The following ATAD3B variants were observed in gnomAD, a reference collection of about 807,000 sequenced individuals.
ATAD3B encodes ATPase family AAA domain-containing protein 3B.
ATAD3B carries 59 observed loss-of-function variants against 70.2 expected under a neutral mutation model. The ratio of observed to expected loss-of-function variants is 0.84; its 90% confidence interval spans 0.68 to 1.04. The LOEUF (loss-of-function observed/expected upper bound fraction) is 1.04, where lower values mean the gene tolerates loss of function less well. Ranked by LOEUF, ATAD3B falls within the 50% of genes least tolerant of loss-of-function variation. ATAD3B has a pLI of 0.00. For synonymous variants in ATAD3B, 423 were observed against 388.6 expected (o/e 1.09, Z -1.04); for missense variants, 961 against 913.4 (o/e 1.05, Z -0.67).
chr1:1,488,081 A>G (rs1052141355), intron 12 of ATAD3B, among the ~76,000 whole-genome samples, 167 bp downstream of exon 12: 4 of 151,930 alleles, frequency 2.6e-5, no homozygotes, highest in African/African-American at 9.7e-5. Context: ...CAGCCCCCTG[A>G]GTAGCTGGGA....
chr1:1,489,240 G>A lies in ATAD3B; in HGVS notation c.1303G>A (p.Ala435Thr), dbSNP rs371673051. The A allele has an allele frequency of 5.6e-5, 91 of 1,613,468 alleles. No homozygotes were observed. The highest frequency in any genetic ancestry group is 7.3e-5 in the Non-Finnish European group (86 of 1,179,668). ...ISKDLRATLN[A>T]FLYHMGQHSN... ...CAAGGACCTCAGAGCCACACTGAAC[G>A]CCTTCCTGTACCACATGGGCCAACA... is the stretch of plus-strand genomic sequence containing the variant. The change falls in exon 13 of 16, where the codon GCC becomes ACC. Residue 435 changes from alanine to threonine, a missense_variant. Physicochemically the swap from Ala to Thr is moderately conservative, Grantham distance 58. Coordinates refer to ENST00000673477, the MANE Select transcript of ATAD3B (RefSeq NM_031921.6).
chr1:1,487,410 C>T (rs1640279252), intron 11 of ATAD3B, among the ~76,000 whole-genome samples: 1 of 151,532 alleles, frequency 6.6e-6, no homozygotes, highest in African/African-American at 2.4e-5. Context: ...ATGGCGTGAA[C>T]CCGGGAGGCA....
chr1:1,485,988 T>C, intron 9 of ATAD3B, 122 bp from the exon 10 acceptor site: 1 of 1,588,668 alleles, frequency 6.3e-7, no homozygotes. Context: ...ATAGATAGGC[T>C]GCCCACGAGC....
intron 12 of ATAD3B, 32 bp downstream of exon 12, chr1:1,487,946 G>C (rs1234532997): frequency 6.2e-7 from 1 of 1,612,164 alleles, no homozygotes; most frequent in Admixed American, 1.7e-5. Context: ...TCTGGCCACA[G>C]GAGGGTGGTC....
chr1:1,490,348 C>T lies in ATAD3B; in HGVS notation c.1429C>T (p.Gln477Ter), dbSNP rs1287361421. Residue 477 changes from glutamine (Q) to a stop codon, truncating the protein, a stop_gained, in exon 14 of 16, where the codon CAG (glutamine) becomes TAG (stop). Coordinates refer to ENST00000673477, the MANE Select transcript of ATAD3B (RefSeq NM_031921.6). LOFTEE classifies it high-confidence loss of function. Reference sequence around the variant, plus strand: ...CGTGATGGTCCACTTCGACCTGCCGCAGCAGGAGGAGCGGGAGCGCCTGGT... The same window carrying T: ...CGTGATGGTCCACTTCGACCTGCCGTAGCAGGAGGAGCGGGAGCGCCTGGT... The part of the protein sequence containing the change: ...IDVMVHFDLP[Q>*]QEERERLVRL... 3.1e-6 allele frequency: 5 copies of T among 1,613,346 alleles called. No homozygotes were observed. In the Admixed American group the frequency reaches 5.0e-5, roughly 16 times the overall value.
chr1:1,495,512 G>A lies in ATAD3B; in HGVS notation c.1642G>A (p.Val548Ile), dbSNP rs146324456. 2.5e-5 allele frequency: 41 copies of A among 1,610,650 alleles called. No homozygotes were observed. The African/African-American group carries it at 5.1e-4, about 20-fold the overall frequency. ...CACGGCATATGCCTCCAAGGACGGG[G>A]TCCTCACTGAGGCCATGATGGACGC... ...QATAYASKDG[V>I]LTEAMMDACV... Residue 548 changes from valine to isoleucine, a missense_variant, in exon 16 of 16, where the codon GTC (valine) becomes ATC (isoleucine). Physicochemically the swap from Val to Ile is conservative, Grantham distance 29 (BLOSUM62 3). Transcript: ENST00000673477.
At position 1,477,353 on chromosome 1, in the gene ATAD3B, G is replaced by A. The variant is rs747793790; in HGVS notation, c.282+3G>A. 1.9e-6 allele frequency: 3 copies of A among 1,612,116 alleles called. No individual in the cohort carries two copies. The South Asian group carries it at 3.3e-5, about 18-fold the overall frequency. ...TGGAGCAACAGTCCAAGCTCAAAGT[G>A]AGTGGGGCCGGTGTGGGCGAGGAGG... On this transcript the variant is annotated splice_donor_region_variant and intron_variant, in intron 2 of 15. Coordinates refer to ENST00000673477, the MANE Select transcript of ATAD3B (RefSeq NM_031921.6).
Position 1,483,141 on chromosome 1 carries a change from AAAAAGAAAAG to A in ATAD3B, c.750+530_750+539del, listed in dbSNP as rs201567929. 6.8e-4 allele frequency: 274 copies of A among 404,984 alleles called. 6 individuals are homozygous for A. In the East Asian group the frequency reaches 0.013, roughly 20 times the overall value. The allele number at this position is 404,984 out of a possible 1,614,324, so 25.1% of individuals were successfully genotyped here. A position where few individuals can be genotyped will look rare whatever the true frequency, so the allele number is the denominator to read the frequency against. On this transcript the variant is annotated intron_variant, in intron 7 of 15. Transcript: ENST00000673477. Reference sequence around the variant, plus strand: ...CCTGTCTCTACTAAAAAAAAGAAAAAAAAAGAAAAGAATTAGCTGGGTGTGGTGACATGTG... The same window carrying A: ...CCTGTCTCTACTAAAAAAAAGAAAAAAATTAGCTGGGTGTGGTGACATGTG...
At chr1:1,509,343 T>G in the ATAD3B span, 1 of 1,610,938 alleles carries the variant, frequency 6.2e-7, no homozygotes, top group African/African-American at 1.4e-5. Context: ...CGAGCAACCC[T>G]CATCCTGAGT....
chr1:1,482,556 C>T lies in ATAD3B; in HGVS notation c.692C>T (p.Thr231Ile), dbSNP rs754364068. 4 of 1,613,282 alleles carry T rather than the reference C, an allele frequency of 2.5e-6. No individual in the cohort carries two copies. In the South Asian group the frequency reaches 4.4e-5, roughly 18 times the overall value. ...TVLESIRTAG[T>I]LFGEGFRAFV... ...TGCTTTCCCCGCAGGACGGCTGGCA[C>T]CTTGTTTGGGGAAGGATTCCGTGCC... Residue 231 changes from threonine (T) to isoleucine (I), a missense_variant, in exon 7 of 16, where the codon ACC becomes ATC. Thr to Ile is a moderately conservative substitution (Grantham distance 89). This residue lies in a region of ATAD3B where 349 missense variants were observed against 307.5 expected (regional missense o/e 1.14). Coordinates refer to ENST00000673477, the MANE Select transcript of ATAD3B (RefSeq NM_031921.6).
At chr1:1,479,475 CCT>C (rs1161915034) in intron 4 of ATAD3B, among the ~76,000 whole-genome samples, 1 of 142,720 alleles carries the variant, frequency 7.0e-6, no homozygotes, top group Non-Finnish European at 1.5e-5. Context: ...CACACACACC[CCT>C]GTGCGCACAC....
chr1:1,489,631 C>G lies in ATAD3B; in HGVS notation c.1337+357C>G, dbSNP rs570655355. ...TAGGGTGACCGGCCCTATGTCCAGG[C>G]TCCCTCTTCCCTCCCAAATCCCTTA... On this transcript the variant is annotated intron_variant, in intron 13 of 15. Coordinates refer to ENST00000673477, the MANE Select transcript of ATAD3B (RefSeq NM_031921.6). 1.2e-5 allele frequency: 16 copies of G among 1,333,842 alleles called. No individual in the cohort carries two copies. In the South Asian group the frequency reaches 1.7e-4, roughly 14 times the overall value. The allele number at this position is 1,333,842 out of a possible 1,614,324, so 82.6% of individuals were successfully genotyped here. A position where few individuals can be genotyped will look rare whatever the true frequency, so the allele number is the denominator to read the frequency against.
At chr1:1,488,615 C>T (rs1398239444) in intron 12 of ATAD3B, among the ~76,000 whole-genome samples, 14 of 151,948 alleles carry the variant, frequency 9.2e-5, no homozygotes, top group Non-Finnish European at 1.8e-4. Context: ...AAAAATTAGC[C>T]GGGCGTCGTG....
Position 1,472,009 on chromosome 1 carries a change from C to G in ATAD3B, c.125C>G (p.Ala42Gly). The G allele has an allele frequency of 8.1e-7, 1 of 1,238,304 alleles. No homozygotes were observed. Among genetic ancestry groups the G allele is most frequent in the Non-Finnish European group, 1.0e-6 (1 of 988,376 alleles). The allele number at this position is 1,238,304 out of a possible 1,614,324, so 76.7% of individuals were successfully genotyped here. A position where few individuals can be genotyped will look rare whatever the true frequency, so the allele number is the denominator to read the frequency against. Residue 42 changes from alanine (A) to glycine (G), a missense_variant, in exon 1 of 16, where the codon GCG becomes GGG. By Grantham distance (60) the Ala-to-Gly change is moderately conservative. This residue lies in a region of ATAD3B where 187 missense variants were observed against 244.3 expected (regional missense o/e 0.77). Transcript: ENST00000673477. The stretch of plus-strand genomic sequence containing the variant: ...GACCGCGGTTTGGGAGACCGGCCGG[C>G]GCCCAAGGACAAATGGAGCAACTTC... Reference protein sequence around the residue: ...GGDRGLGDRPAPKDKWSNFDP... With the variant: ...GGDRGLGDRPGPKDKWSNFDP...
downstream of ATAD3B, among the ~76,000 whole-genome samples, chr1:1,500,405 AGCCGG>A: frequency 6.7e-6 from 1 of 148,626 alleles, no homozygotes; most frequent in Non-Finnish European, 1.5e-5. Context: ...ACAAAAAAAT[AGCCGG>A]GCGTGGTGGC....
At chr1:1,502,220 C>CT (rs377727458), downstream of ATAD3B, among the ~76,000 whole-genome samples, 11,350 of 142,614 alleles carry the variant, frequency 0.08, 499 homozygotes, top group East Asian at 0.14. Flanking sequence ...TTTTCTCTCT[C>CT]TTTTTTTTTT....
intron 1 of ATAD3B, among the ~76,000 whole-genome samples, chr1:1,472,597 A>G (rs1639387597): frequency 6.6e-6 from 1 of 152,050 alleles, no homozygotes; most frequent in Non-Finnish European, 1.5e-5. Flanking sequence ...CTGTGAAGCC[A>G]CAGGCCAGGC....
rs764565113 is a variant in ATAD3B, at chr1:1,486,217, G to C, written c.1071G>C (p.Gly357=). The change falls in exon 10 of 16, where the codon GGG becomes GGC. Residue 357 remains glycine, a synonymous_variant. Coordinates refer to ENST00000673477, the MANE Select transcript of ATAD3B (RefSeq NM_031921.6). ...TGCTGTATGGGCCACCAGGCACCGGGAAGACGCTGTTTGCCAAGGTGAGAG... is the reference window on the plus strand; with the variant it reads ...TGCTGTATGGGCCACCAGGCACCGGCAAGACGCTGTTTGCCAAGGTGAGAG... The part of the protein sequence containing the change: ...HILLYGPPGT[G]KTLFAKKLAL... 3.7e-6 allele frequency: 6 copies of C among 1,613,066 alleles called. No homozygotes were observed. The highest frequency in any genetic ancestry group is 4.2e-6 in the Non-Finnish European group (5 of 1,179,650).
chr1:1,482,399 G>A (rs1227413439), intron 6 of ATAD3B, 96 bp downstream of exon 6: 20 of 1,581,928 alleles, frequency 1.3e-5, no homozygotes, highest in African/African-American at 5.5e-5. Context: ...AGGCCTGGCC[G>A]CCATAGGCTG....
Sources: allele counts gnomAD v4.1 joint callset (sites outside exome capture counted in the v4.1 genomes callset), GRCh38; gene constraint gnomAD v4.1.1; regional missense constraint gnomAD v4.1.1; transcripts MANE v1.5; gene names NCBI Gene and HGNC (gene_info 2026-07-23, HGNC 2026-07-21).